Variants in PDSS2 observed in about 807,000 individuals in gnomAD.
The protein encoded by PDSS2 is decaprenyl diphosphate synthase subunit 2.
PDSS2 carries 31 observed loss-of-function variants against 44.5 expected under a neutral mutation model. The observed-to-expected ratio is 0.70, with a 90% CI of 0.52 to 0.94. PDSS2 has a LOEUF of 0.94. Ranked by LOEUF, PDSS2 falls within the 40% of genes least tolerant of loss-of-function variation. The pLI, the probability that PDSS2 is intolerant of heterozygous loss-of-function variation, is 0.00. For missense variants in PDSS2, 452 were observed against 482.2 expected (o/e 0.94, Z 0.59); for synonymous variants, 157 against 180.3 (o/e 0.87, Z 1.03).
At chr6:107,304,393 G>T (rs866504483) in intron 2 of PDSS2, among the ~76,000 whole-genome samples, 1 of 152,186 alleles carries the variant, frequency 6.6e-6, no homozygotes, top group Non-Finnish European at 1.5e-5. Flanking sequence ...TCTTATATAC[G>T]TAACGCTTTT....
chr6:107,281,924 GAGAC>G (rs1366928114), intron 2 of PDSS2, among the ~76,000 whole-genome samples: 1 of 151,544 alleles, frequency 6.6e-6, no homozygotes. Flanking sequence ...TTATTTTTTT[GAGAC>G]AGAGTCTTGC....
At chr6:107,176,539 G>A (rs1177115418) in intron 7 of PDSS2, among the ~76,000 whole-genome samples, 1 of 151,868 alleles carries the variant, frequency 6.6e-6, no homozygotes, top group African/African-American at 2.4e-5. Context: ...ATTTAAAACT[G>A]TATGGCTATT....
rs182711331 is a variant in PDSS2, at chr6:107,427,390, A to G, written c.296+31600T>C. The stretch of plus-strand genomic sequence containing the variant: ...TCTTTTTTTCTTCCCAGTCTCGGGT[A>G]TGTCTTTATCAGCAGCATGAAAATT... On this transcript the variant is annotated intron_variant, in intron 1 of 7. Transcript: ENST00000369037. Among the ~76,000 whole-genome samples, 779 of 152,224 alleles carry G rather than the reference A, an allele frequency of 5.1e-3. 9 individuals carry two copies. Among genetic ancestry groups the G allele is most frequent in the South Asian group, 0.016 (79 of 4,816 alleles).
chr6:107,303,921 A>G (rs1776776668), intron 2 of PDSS2, among the ~76,000 whole-genome samples: 1 of 152,216 alleles, frequency 6.6e-6, no homozygotes, highest in African/African-American at 2.4e-5. Flanking sequence ...AAGCAAAAAG[A>G]GAAACCATTT....
intron 3 of PDSS2, among the ~76,000 whole-genome samples, chr6:107,248,835 T>G (rs1270065941): frequency 6.6e-6 from 1 of 152,254 alleles, no homozygotes; most frequent in East Asian, 1.9e-4. Context: ...ATCTGTTGTC[T>G]TCACATGAAC....
At chr6:107,297,532 G>A (rs9373940) in intron 2 of PDSS2, among the ~76,000 whole-genome samples, 24,493 of 151,498 alleles carry the variant, frequency 0.16, 2,463 homozygotes, top group East Asian at 0.25. Context: ...ACAGGCGTCC[G>A]TCACCATGCC....
chr6:107,406,547 TG>T (rs759083920), intron 1 of PDSS2, among the ~76,000 whole-genome samples: 3 of 152,188 alleles, frequency 2.0e-5, no homozygotes, highest in Non-Finnish European at 4.4e-5. Flanking sequence ...ACCAATCTGA[TG>T]ATAAAAAGTA....
At chr6:107,276,877 G>C (rs1208689134) in intron 2 of PDSS2, among the ~76,000 whole-genome samples, 1 of 152,174 alleles carries the variant, frequency 6.6e-6, no homozygotes, top group Non-Finnish European at 1.5e-5. Context: ...AGGCAACATG[G>C]AGAAAGGTCC....
intron 3 of PDSS2, among the ~76,000 whole-genome samples, chr6:107,270,906 T>C (rs758617392): frequency 3.9e-5 from 6 of 152,212 alleles, no homozygotes; most frequent in Non-Finnish European, 7.3e-5. Context: ...CTGATGACAC[T>C]GAACTAAAAC....
At chr6:107,245,197 C>T (rs1474573574) in intron 4 of PDSS2, among the ~76,000 whole-genome samples, 2 of 152,072 alleles carry the variant, frequency 1.3e-5, no homozygotes, top group East Asian at 3.9e-4. Flanking sequence ...AGGACCCTTC[C>T]TCTGGGGAAA....
At chr6:107,262,738 C>T (rs1775281728) in intron 3 of PDSS2, among the ~76,000 whole-genome samples, 1 of 151,800 alleles carries the variant, frequency 6.6e-6, no homozygotes, top group African/African-American at 2.4e-5. Flanking sequence ...TGCCACTGCA[C>T]TTCAGCCTGG....
At chr6:107,255,002 T>A (rs774597030) in intron 3 of PDSS2, among the ~76,000 whole-genome samples, 5 of 151,528 alleles carry the variant, frequency 3.3e-5, no homozygotes, top group Non-Finnish European at 7.4e-5. Flanking sequence ...TAGCTGGGAT[T>A]ACAGGTGCCC....
chr6:107,161,969 A>T (rs942126471), intron 7 of PDSS2, among the ~76,000 whole-genome samples: 3 of 152,190 alleles, frequency 2.0e-5, no homozygotes, highest in Non-Finnish European at 4.4e-5. Context: ...CTGCATTTGC[A>T]GATTTTTGTG....
intron 1 of PDSS2, among the ~76,000 whole-genome samples, chr6:107,383,790 G>A (rs750354267): frequency 3.9e-5 from 6 of 152,204 alleles, no homozygotes; most frequent in Admixed American, 2.6e-4. Context: ...AATAGCAATT[G>A]TTGATGAAGA....
intron 7 of PDSS2, chr6:107,192,646 C>T (rs539155970): frequency 8.6e-5 from 17 of 198,494 alleles, no homozygotes; most frequent in East Asian, 1.6e-4. Context: ...TTTAGAAACA[C>T]TCAGGTCCTG....
chr6:107,394,094 T>C (rs1779866328), intron 1 of PDSS2, among the ~76,000 whole-genome samples: 1 of 152,222 alleles, frequency 6.6e-6, no homozygotes, highest in African/African-American at 2.4e-5. Flanking sequence ...CATCTTACTA[T>C]TTGTTTTCTG....
intron 1 of PDSS2, among the ~76,000 whole-genome samples, chr6:107,362,781 G>T (rs963518995): frequency 6.6e-6 from 1 of 152,112 alleles, no homozygotes; most frequent in African/African-American, 2.4e-5. Context: ...CATATTTAAA[G>T]AATTAGTAAA....
chr6:107,188,670 C>G (rs559720914), intron 7 of PDSS2, among the ~76,000 whole-genome samples: 1 of 152,130 alleles, frequency 6.6e-6, no homozygotes, highest in Non-Finnish European at 1.5e-5. Context: ...GGTCTGATCC[C>G]TCATGAATGG....
chr6:107,387,657 G>T (rs1195375644), intron 1 of PDSS2, among the ~76,000 whole-genome samples: 1 of 152,162 alleles, frequency 6.6e-6, no homozygotes, highest in Non-Finnish European at 1.5e-5. Context: ...AGGTCTGAAG[G>T]ATAACAGATA....
Sources: gnomAD v4.1 joint callset for allele counts (sites outside exome capture counted in the v4.1 genomes callset) on GRCh38, gnomAD v4.1.1 for gene constraint, MANE v1.5 for transcripts, NCBI Gene and HGNC (gene_info 2026-07-23, HGNC 2026-07-21) for gene names.